The following PHLPP2 variants were observed in gnomAD, a reference collection of about 807,000 sequenced individuals.
The protein encoded by PHLPP2 is PH domain and leucine rich repeat protein phosphatase 2.
In PHLPP2, 66 loss-of-function variants were observed where a neutral mutation model predicts 124.9. The observed-to-expected ratio is 0.53, with a 90% CI of 0.43 to 0.65. PHLPP2 has a LOEUF of 0.65. PHLPP2 is among the 30% of genes least tolerant of loss of function. The pLI, the probability that PHLPP2 is intolerant of heterozygous loss-of-function variation, is 0.00. For synonymous variants in PHLPP2, 681 were observed against 624.7 expected (o/e 1.09, Z -1.34); for missense variants, 1,685 against 1,600.4 (o/e 1.05, Z -0.90).
intron 5 of PHLPP2, 52 bp from the exon 6 acceptor site, chr16:71,681,957 A>G: frequency 1.5e-6 from 2 of 1,351,628 alleles, no homozygotes; most frequent in Non-Finnish European, 9.9e-7. Context: ...GATGTCTATC[A>G]CCCAGCAAAG....
At chr16:71,688,192 A>C (rs2045071934) in intron 4 of PHLPP2, among the ~76,000 whole-genome samples, 1 of 152,172 alleles carries the variant, frequency 6.6e-6, no homozygotes, top group Non-Finnish European at 1.5e-5. Flanking sequence ...CTTTTCCAAA[A>C]GTCCTTCCAG....
Position 71,667,458 on chromosome 16 carries a change from T to C in PHLPP2, c.1629-125A>G, listed in dbSNP as rs566820470. 39 of 720,884 alleles carry C rather than the reference T, an allele frequency of 5.4e-5. 1 individual carries two copies. The African/African-American group carries it at 6.5e-4, about 12-fold the overall frequency. The allele number at this position is 720,884 out of a possible 1,614,324, so 44.7% of individuals were successfully genotyped here. A position where few individuals can be genotyped will look rare whatever the true frequency, so the allele number is the denominator to read the frequency against. ...AAACATATTCTCCTAGATTGTATAC[T>C]CACTGACAAGTGCCTGAGCCAAGAA... On this transcript the variant is annotated intron_variant, in intron 11 of 18. Coordinates refer to ENST00000568954, the MANE Select transcript of PHLPP2 (RefSeq NM_015020.3).
At chr16:71,709,524 T>C (rs1191068291) in intron 2 of PHLPP2, among the ~76,000 whole-genome samples, 1 of 152,348 alleles carries the variant, frequency 6.6e-6, no homozygotes, top group South Asian at 2.1e-4. Flanking sequence ...GGGCAATCCA[T>C]TTTATCACAA....
intron 10 of PHLPP2, among the ~76,000 whole-genome samples, chr16:71,670,648 A>G (rs1168057750): frequency 6.7e-6 from 1 of 150,158 alleles, no homozygotes. Flanking sequence ...CTTTGTTATG[A>G]CAGAAGAGAC....
chr16:71,692,305 G>A (rs2045123017), intron 3 of PHLPP2, among the ~76,000 whole-genome samples: 1 of 152,086 alleles, frequency 6.6e-6, no homozygotes, highest in South Asian at 2.1e-4. Flanking sequence ...TCCTGACCTC[G>A]TGATCCGCCT....
In PHLPP2 at chr16:71,678,737, G is replaced by A. The variant is rs747047603; in HGVS notation, c.1268+18C>T. ...CCAGAGTCAATTTAAAGGAAGGTGT[G>A]GTAAAGAATAACCTTACCTTAAATC... On this transcript the variant is annotated intron_variant, in intron 8 of 18. Transcript: ENST00000568954. 1.6e-6 allele frequency: 2 copies of A among 1,252,240 alleles called. No individual in the cohort carries two copies. Among genetic ancestry groups the A allele is most frequent in the Non-Finnish European group, 2.4e-6 (2 of 850,086 alleles). 77.6% of individuals were successfully genotyped at this position (1,252,240 alleles called of 1,614,324 possible).
chr16:71,689,323 TCCTCCCACCTCAA>T (rs1458216063), intron 4 of PHLPP2, among the ~76,000 whole-genome samples: 1 of 143,632 alleles, frequency 7.0e-6, no homozygotes, highest in East Asian at 2.1e-4. Context: ...CAAGCCATCC[TCCTCCCACCTCAA>T]CCTCCCACCA....
At chr16:71,664,203 T>C in intron 12 of PHLPP2, 104 bp from the exon 13 acceptor site, 1 of 789,616 alleles carries the variant, frequency 1.3e-6, no homozygotes, top group Non-Finnish European at 2.1e-6. Context: ...CATTCTAAGC[T>C]TCCAAATGGG....
At chr16:71,674,173 G>A (rs984878598) in intron 9 of PHLPP2, among the ~76,000 whole-genome samples, 1 of 151,790 alleles carries the variant, frequency 6.6e-6, no homozygotes, top group African/African-American at 2.4e-5. Context: ...CACCTCCGGG[G>A]TTCAAGCAAT....
At chr16:71,663,237 G>A (rs539154153) in intron 13 of PHLPP2, among the ~76,000 whole-genome samples, 37 of 152,268 alleles carry the variant, frequency 2.4e-4, no homozygotes, top group Admixed American at 6.5e-4. Flanking sequence ...TGAGCCTCTC[G>A]AGTAGCTGTG....
At chr16:71,686,796 T>C (rs2045059155) in intron 4 of PHLPP2, among the ~76,000 whole-genome samples, 1 of 152,122 alleles carries the variant, frequency 6.6e-6, no homozygotes, top group Non-Finnish European at 1.5e-5. Context: ...CTTAGCAGTA[T>C]TTCCTGGTAT....
At chr16:71,684,125 C>CTTTT (rs397816254) in intron 5 of PHLPP2, among the ~76,000 whole-genome samples, 1 of 118,834 alleles carries the variant, frequency 8.4e-6, no homozygotes, top group Non-Finnish European at 1.7e-5. Context: ...TTGAGGTACT[C>CTTTT]TTTTTTTTTT....
At chr16:71,655,627 C>T (rs1041588643) in intron 16 of PHLPP2, among the ~76,000 whole-genome samples, 193 bp from the exon 17 acceptor site, 1 of 151,724 alleles carries the variant, frequency 6.6e-6, no homozygotes, top group African/African-American at 2.4e-5. Context: ...CTCAGCCTCC[C>T]GAGAAGCTGG....
At chr16:71,681,995 G>A (rs1015097108) in intron 5 of PHLPP2, 90 bp from the exon 6 acceptor site, 30 of 866,258 alleles carry the variant, frequency 3.5e-5, no homozygotes, top group South Asian at 6.1e-5. Flanking sequence ...ACAAAAAGAC[G>A]CTAATTAAAA....
intron 16 of PHLPP2, among the ~76,000 whole-genome samples, chr16:71,655,834 G>T (rs1308261386): frequency 6.6e-6 from 1 of 152,146 alleles, no homozygotes; most frequent in Non-Finnish European, 1.5e-5. Flanking sequence ...AGGTGGCAAA[G>T]ACTACTAGCA....
Position 71,676,594 on chromosome 16 carries a change from T to A in PHLPP2, c.1324A>T (p.Thr442Ser), listed in dbSNP as rs1429376398. The A allele has an allele frequency of 1.2e-6, 2 of 1,613,934 alleles. No individual in the cohort carries two copies. The highest frequency in any genetic ancestry group is 8.5e-7 in the Non-Finnish European group (1 of 1,179,786). Residue 442 changes from threonine to serine, a missense_variant, in exon 9 of 19, where the codon ACC becomes TCC. By Grantham distance (58) the Thr-to-Ser change is moderately conservative. Coordinates refer to ENST00000568954, the MANE Select transcript of PHLPP2 (RefSeq NM_015020.3). ...IENLEGNKHITHVDLRDNRLT... is the reference protein window; with the variant it reads ...IENLEGNKHISHVDLRDNRLT... Reference sequence around the variant, plus strand: ...CGGTTGTCCCGCAGATCCACGTGGGTGATGTGTTTATTTCCCTCCAGATTT... The same window carrying A: ...CGGTTGTCCCGCAGATCCACGTGGGAGATGTGTTTATTTCCCTCCAGATTT...
At chr16:71,681,107 C>T (rs1295210920) in intron 6 of PHLPP2, among the ~76,000 whole-genome samples, 1 of 152,118 alleles carries the variant, frequency 6.6e-6, no homozygotes, top group Non-Finnish European at 1.5e-5. Context: ...ACTTTGAATG[C>T]TTTAATTTCC....
At chr16:71,709,769 T>C (rs1011002553) in intron 2 of PHLPP2, among the ~76,000 whole-genome samples, 2 of 152,188 alleles carry the variant, frequency 1.3e-5, no homozygotes, top group Non-Finnish European at 2.9e-5. Context: ...TGATTCCTAA[T>C]GGGGAAGTTT....
chr16:71,661,234 CTGA>C (rs1171762378), intron 13 of PHLPP2, among the ~76,000 whole-genome samples: 1 of 151,710 alleles, frequency 6.6e-6, no homozygotes, highest in Non-Finnish European at 1.5e-5. Flanking sequence ...CCACACTCAG[CTGA>C]TTTTTGTATT....
Sources: allele counts gnomAD v4.1 joint callset (sites outside exome capture counted in the v4.1 genomes callset), GRCh38; gene constraint gnomAD v4.1.1; transcripts MANE v1.5; gene names NCBI Gene and HGNC (gene_info 2026-07-23, HGNC 2026-07-21).